Variants in SUGCT observed in about 807,000 individuals in gnomAD.
SUGCT encodes the protein succinyl-CoA:glutarate-CoA transferase.
SUGCT carries 41 observed loss-of-function variants against 55.0 expected under a neutral mutation model. The observed-to-expected ratio is 0.74, with a 90% CI of 0.58 to 0.97. The LOEUF (loss-of-function observed/expected upper bound fraction) is 0.97. SUGCT is among the 50% of genes least tolerant of loss of function. The probability of loss-of-function intolerance (pLI) is 0.00; values close to 1 mark genes in which losing one functional copy is unlikely to be tolerated. For missense variants in SUGCT, 568 were observed against 547.8 expected, an observed-to-expected ratio of 1.04 and a Z score of -0.37; for synonymous variants, 187 against 200.4, an observed-to-expected ratio of 0.93 and a Z score of 0.56.
chr7:40,519,760 T>C (rs911119841), intron 12 of SUGCT, among the ~76,000 whole-genome samples: 7 of 152,216 alleles, frequency 4.6e-5, no homozygotes, highest in Non-Finnish European at 4.4e-5. Context: ...TATATTAAGT[T>C]AATAATTAAT....
In SUGCT at chr7:40,481,292, T is replaced by G. The variant is rs189146994; in HGVS notation, c.987-14992T>G. ...GTTTCAGGCTGCAGTGAGCTATGAT[T>G]GCACAATTGCGCTGCAGCCTAGGTG... On this transcript the variant is annotated intron_variant, in intron 11 of 13. Transcript: ENST00000335693. Among the ~76,000 whole-genome samples, 318 of 152,066 alleles carry G rather than the reference T, an allele frequency of 2.1e-3. 2 individuals carry two copies. Among genetic ancestry groups the G allele is most frequent in the African/African-American group, 7.4e-3 (306 of 41,530 alleles).
intron 13 of SUGCT, among the ~76,000 whole-genome samples, chr7:40,780,385 T>G (rs928486262): frequency 3.9e-5 from 6 of 152,150 alleles, no homozygotes; most frequent in Non-Finnish European, 8.8e-5. Flanking sequence ...TGATAGAAAT[T>G]GTTGACAAGG....
chr7:40,296,428 G>A (rs576993852), intron 8 of SUGCT, among the ~76,000 whole-genome samples: 1 of 152,218 alleles, frequency 6.6e-6, no homozygotes, highest in Admixed American at 6.5e-5. Flanking sequence ...TCTGGAGAAG[G>A]CTTTTTGTGT....
At chr7:40,893,876 C>T in the SUGCT span, among the ~76,000 whole-genome samples, 12 of 152,192 alleles carry the variant, frequency 7.9e-5, no homozygotes, top group East Asian at 1.9e-3. Flanking sequence ...ACCTGGCAAA[C>T]ATGGCAAAAC....
At chr7:40,680,972 G>A (rs1784212091) in intron 12 of SUGCT, among the ~76,000 whole-genome samples, 1 of 152,134 alleles carries the variant, frequency 6.6e-6, no homozygotes, top group South Asian at 2.1e-4. Context: ...ACTAGCAATG[G>A]ACAACTGAAG....
chr7:40,273,115 G>A (rs1313407692), intron 7 of SUGCT, among the ~76,000 whole-genome samples: 1 of 152,072 alleles, frequency 6.6e-6, no homozygotes, highest in Admixed American at 6.6e-5. Flanking sequence ...AATTTTAAGT[G>A]TATTGATTTA....
chr7:40,287,329 T>C (rs10235125), intron 8 of SUGCT, among the ~76,000 whole-genome samples: 1 of 152,134 alleles, frequency 6.6e-6, no homozygotes, highest in Non-Finnish European at 1.5e-5. Context: ...CTCTCCAATA[T>C]GAATGCATTG....
chr7:40,468,274 G>A (rs1790227314), intron 11 of SUGCT, among the ~76,000 whole-genome samples: 2 of 151,970 alleles, frequency 1.3e-5, no homozygotes, highest in South Asian at 2.1e-4. Context: ...GTTTTATTTG[G>A]TATCTCTAGC....
chr7:40,513,951 G>A (rs1017914051), intron 12 of SUGCT, among the ~76,000 whole-genome samples: 4 of 151,616 alleles, frequency 2.6e-5, no homozygotes, highest in African/African-American at 4.8e-5. Flanking sequence ...CACCATGCCC[G>A]GCTAATTTTT....
At chr7:40,945,883 T>C in the SUGCT span, among the ~76,000 whole-genome samples, 1 of 152,096 alleles carries the variant, frequency 6.6e-6, no homozygotes, top group South Asian at 2.1e-4. Flanking sequence ...AGGGTTACAG[T>C]AATGTGACCT....
At chr7:40,944,199 G>T in the SUGCT span, among the ~76,000 whole-genome samples, 1 of 151,936 alleles carries the variant, frequency 6.6e-6, no homozygotes, top group Non-Finnish European at 1.5e-5. Context: ...CAGATGAGTA[G>T]GTTGTGAAAA....
At chr7:40,615,702 A>G (rs1447707100) in intron 12 of SUGCT, among the ~76,000 whole-genome samples, 2 of 152,332 alleles carry the variant, frequency 1.3e-5, no homozygotes, top group East Asian at 3.9e-4. Context: ...TGGTTATTCA[A>G]TTGTTTAGCG....
At chr7:41,037,861 C>G in the SUGCT span, among the ~76,000 whole-genome samples, 2 of 151,804 alleles carry the variant, frequency 1.3e-5, no homozygotes, top group Admixed American at 6.6e-5. Context: ...TAGTTCTTGG[C>G]AGGTCCGATG....
At chr7:40,943,922 C>G in the SUGCT span, among the ~76,000 whole-genome samples, 1 of 149,384 alleles carries the variant, frequency 6.7e-6, no homozygotes, top group Non-Finnish European at 1.5e-5. Flanking sequence ...CCTATTTCTC[C>G]ACATCCTCTC....
At chr7:40,946,376 A>T in the SUGCT span, among the ~76,000 whole-genome samples, 50,419 of 151,878 alleles carry the variant, frequency 0.33, 9,095 homozygotes, top group Admixed American at 0.45. Flanking sequence ...GCACATGTGG[A>T]TACAAGCTGT....
chr7:40,400,564 T>C (rs978862641), intron 9 of SUGCT, among the ~76,000 whole-genome samples: 1 of 152,236 alleles, frequency 6.6e-6, no homozygotes, highest in Admixed American at 6.5e-5. Flanking sequence ...TATATCTTCA[T>C]GAGAGCCAAC....
intron 6 of SUGCT, 133 bp downstream of exon 6, chr7:40,195,193 A>T (rs1584311552): frequency 4.0e-5 from 32 of 798,548 alleles, no homozygotes; most frequent in East Asian, 6.3e-5. Flanking sequence ...AAGGCCGTTT[A>T]GGTTGCTGAA....
the SUGCT span, among the ~76,000 whole-genome samples, chr7:40,892,580 C>G: frequency 6.6e-6 from 1 of 152,170 alleles, no homozygotes; most frequent in African/African-American, 2.4e-5. Context: ...GTCACCCAGG[C>G]TGTAGTGCAA....
intron 12 of SUGCT, among the ~76,000 whole-genome samples, chr7:40,682,933 G>A (rs1426159637): frequency 6.6e-6 from 1 of 152,138 alleles, no homozygotes; most frequent in Non-Finnish European, 1.5e-5. Flanking sequence ...TATGTATTGT[G>A]AACATGGAAA....
Sources: gnomAD v4.1 joint callset for allele counts (sites outside exome capture counted in the v4.1 genomes callset) on GRCh38, gnomAD v4.1.1 for gene constraint, MANE v1.5 for transcripts, NCBI Gene and HGNC (gene_info 2026-07-23, HGNC 2026-07-21) for gene names.